KCNJ1: variants seen among roughly 807,000 people sequenced by gnomAD.
The protein encoded by KCNJ1 is ATP-sensitive inward rectifier potassium channel 1.
A neutral mutation model predicts 21.9 loss-of-function variants in KCNJ1; 24 were observed. The observed-to-expected ratio is 1.10, with a 90% CI of 0.79 to 1.54. The LOEUF (loss-of-function observed/expected upper bound fraction) is 1.54, where lower values mean the gene tolerates loss of function less well. KCNJ1 is among the 40% of genes most tolerant of loss of function. The pLI is 0.00. For missense variants in KCNJ1, 457 were observed against 455.4 expected, an observed-to-expected ratio of 1.00 and a Z score of -0.03; for synonymous variants, 152 against 160.9, an observed-to-expected ratio of 0.94 and a Z score of 0.42.
At chr11:128,864,074 CTTTTTTTTT>C (rs71472076) in intron 1 of KCNJ1, among the ~76,000 whole-genome samples, 6 of 86,680 alleles carry the variant, frequency 6.9e-5, no homozygotes, top group South Asian at 4.8e-4. Context: ...CTTTTTCTCT[CTTTTTTTTT>C]TTTTTTTTTT....
chr11:128,845,520 G>A (rs991461937), intron 2 of KCNJ1, among the ~76,000 whole-genome samples: 5 of 152,188 alleles, frequency 3.3e-5, no homozygotes, highest in African/African-American at 9.7e-5. Context: ...TCAGAGCCCC[G>A]AGAAGCAGTA....
chr11:128,858,387 T>C (rs899758688), intron 1 of KCNJ1, among the ~76,000 whole-genome samples: 1 of 152,114 alleles, frequency 6.6e-6, no homozygotes, highest in Non-Finnish European at 1.5e-5. Context: ...TGCACCACCA[T>C]ATTTGATTGA....
chr11:128,865,252 C>T (rs1428335486), intron 1 of KCNJ1, among the ~76,000 whole-genome samples: 5 of 152,074 alleles, frequency 3.3e-5, no homozygotes, highest in Admixed American at 6.6e-5. Context: ...GTGCAGGCAG[C>T]GATGATACTA....
At chr11:128,861,918 T>C (rs1273153223) in intron 1 of KCNJ1, among the ~76,000 whole-genome samples, 1 of 152,086 alleles carries the variant, frequency 6.6e-6, no homozygotes, top group African/African-American at 2.4e-5. Flanking sequence ...AACCAGCCCC[T>C]TCATAGATGA....
chr11:128,852,379 T>C (rs1943491830), intron 1 of KCNJ1, among the ~76,000 whole-genome samples: 1 of 152,192 alleles, frequency 6.6e-6, no homozygotes, highest in Admixed American at 6.5e-5. Context: ...AGCCAGGCTC[T>C]AGGGGATTAG....
chr11:128,852,952 GC>G (rs1326813102), intron 1 of KCNJ1, among the ~76,000 whole-genome samples: 4 of 152,236 alleles, frequency 2.6e-5, no homozygotes. Context: ...GCCTGCTGAC[GC>G]ACTTTCTCTC....
At chr11:128,864,567 A>T (rs1943783535) in intron 1 of KCNJ1, among the ~76,000 whole-genome samples, 1 of 152,132 alleles carries the variant, frequency 6.6e-6, no homozygotes, top group South Asian at 2.1e-4. Flanking sequence ...CAGTACTAAT[A>T]CTATTCCTGA....
intron 2 of KCNJ1, among the ~76,000 whole-genome samples, chr11:128,846,044 C>T (rs117087878): frequency 6.6e-6 from 1 of 152,312 alleles, no homozygotes; most frequent in East Asian, 1.9e-4. Flanking sequence ...TTCTGAATAA[C>T]TTGTCCTTTT....
chr11:128,857,727 T>A lies in KCNJ1; in HGVS notation c.-191-6837A>T, dbSNP rs145888401. ...GGTGTGGACACTGCACATGGTGGAT[T>A]CATAAGTGCCAATGCTGACAGGTGG... On this transcript the variant is annotated intron_variant, in intron 1 of 2. Coordinates refer to ENST00000392666, the MANE Select transcript of KCNJ1 (RefSeq NM_153766.3). 2.3e-3 allele frequency among the ~76,000 whole-genome samples: 346 copies of A among 152,312 alleles called. 2 individuals are homozygous for A. The highest frequency in any genetic ancestry group is 4.1e-3 in the Non-Finnish European group (282 of 68,030).
intron 2 of KCNJ1, 107 bp downstream of exon 2, chr11:128,850,614 A>T: frequency 2.9e-6 from 1 of 346,690 alleles, no homozygotes; most frequent in Non-Finnish European, 4.1e-6. Context: ...GCAAATGACT[A>T]GGTCCCACAG....
chr11:128,845,799 T>C (rs904718369), intron 2 of KCNJ1, among the ~76,000 whole-genome samples: 8 of 152,214 alleles, frequency 5.3e-5, no homozygotes, highest in African/African-American at 1.9e-4. Context: ...ACTTCAGGAA[T>C]ACCCTACTTT....
chr11:128,839,085 G>C lies in KCNJ1; in HGVS notation c.*40C>G, dbSNP rs1565521324. 1 of 1,575,946 alleles carries C rather than the reference G, an allele frequency of 6.3e-7. No individual in the cohort carries two copies. Among genetic ancestry groups the C allele is most frequent in the Admixed American group, 1.7e-5 (1 of 59,922 alleles). ...TTCATAATGCTTCTAGGTACTAGGA[G>C]CTTTAGAGACTTTGCTTTACTCCCG... On this transcript the variant is annotated 3_prime_UTR_variant, in exon 3 of 3. Transcript: ENST00000392666.
At chr11:128,841,333 G>A (rs1943278418) in intron 2 of KCNJ1, among the ~76,000 whole-genome samples, 1 of 152,200 alleles carries the variant, frequency 6.6e-6, no homozygotes, top group Non-Finnish European at 1.5e-5. Context: ...TGTTTATTCA[G>A]TAAACGTAAA....
chr11:128,857,150 C>T (rs943496551), intron 1 of KCNJ1, among the ~76,000 whole-genome samples: 12 of 152,156 alleles, frequency 7.9e-5, no homozygotes, highest in African/African-American at 2.9e-4. Flanking sequence ...CTGCTGCTTC[C>T]TCCTTCAGGG....
chr11:128,855,991 T>C (rs1303322992), intron 1 of KCNJ1, among the ~76,000 whole-genome samples: 2 of 152,218 alleles, frequency 1.3e-5, no homozygotes, highest in Admixed American at 6.5e-5. Context: ...TGCTCGGGGC[T>C]CTTGCCAGGT....
intron 2 of KCNJ1, among the ~76,000 whole-genome samples, chr11:128,848,054 C>T (rs562860201): frequency 2.6e-5 from 4 of 151,848 alleles, no homozygotes; most frequent in Non-Finnish European, 5.9e-5. Flanking sequence ...TTTGGGAGGC[C>T]GAGGTGGGTG....
chr11:128,838,993 G>C lies in KCNJ1; in HGVS notation c.*132C>G. 1.3e-6 allele frequency: 1 copy of C among 767,792 alleles called. No individual in the cohort carries two copies. Among genetic ancestry groups the C allele is most frequent in the Non-Finnish European group, 2.2e-6 (1 of 453,430 alleles). 47.6% of individuals were successfully genotyped at this position (767,792 alleles called of 1,614,324 possible). A position where few individuals can be genotyped will look rare whatever the true frequency, so the allele number is the denominator to read the frequency against. On this transcript the variant is annotated 3_prime_UTR_variant, in exon 3 of 3. Transcript: ENST00000392666. ...TGTGGGATCACAATTGCGGGGCTCA[G>C]GGGTCTTTGTGCTGGTAGACTTTGA...
intron 1 of KCNJ1, among the ~76,000 whole-genome samples, chr11:128,857,416 A>G (rs1943609280): frequency 1.3e-5 from 2 of 152,210 alleles, no homozygotes; most frequent in African/African-American, 4.8e-5. Flanking sequence ...CCAGGACAGC[A>G]GCCCGTCTTG....
intron 2 of KCNJ1, among the ~76,000 whole-genome samples, chr11:128,840,473 A>G (rs1219727038): frequency 1.3e-5 from 2 of 152,194 alleles, no homozygotes; most frequent in Non-Finnish European, 2.9e-5. Context: ...TCAAACATAA[A>G]GAGGCAAAAT....
Sources: gnomAD v4.1 joint callset for allele counts (sites outside exome capture counted in the v4.1 genomes callset) on GRCh38, gnomAD v4.1.1 for gene constraint, MANE v1.5 for transcripts, NCBI Gene and HGNC (gene_info 2026-07-23, HGNC 2026-07-21) for gene names.